Variants in TTN observed in about 807,000 individuals in gnomAD.
TTN encodes connectin.
In TTN, 1,525 loss-of-function variants were observed where a neutral mutation model predicts 3,223.0. The observed-to-expected ratio is 0.47, with a 90% CI of 0.45 to 0.49. TTN has a LOEUF of 0.49. Ranked by LOEUF, TTN falls within the 20% of genes least tolerant of loss-of-function variation. The pLI, the probability that TTN is intolerant of heterozygous loss-of-function variation, is 0.00. For missense variants in TTN, 40,786 were observed against 43,424.0 expected, an observed-to-expected ratio of 0.94 and a Z score of 5.40; for synonymous variants, 14,094 against 15,161.0, an observed-to-expected ratio of 0.93 and a Z score of 5.17.
intron 97 of TTN, 37 bp from the exon 98 acceptor site, chr2:178,710,959 A>G: frequency 6.3e-7 from 1 of 1,586,988 alleles, no homozygotes; most frequent in Non-Finnish European, 8.6e-7. Flanking sequence ...TTCAGGCTCA[A>G]TATCTGGACC....
chr2:178,577,213 G>C lies in TTN; in HGVS notation c.69122C>G (p.Pro23041Arg), dbSNP rs1174533300. The change falls in exon 324 of 363, where the codon CCT (proline) becomes CGT (arginine). Residue 23041 changes from proline to arginine, a missense_variant. Transcript: ENST00000589042. ...GATTTCAACAGGACCTGGGGGACCAGGTACATCAAGGACTGTTACCTTCAC... is the reference window on the plus strand; with the variant it reads ...GATTTCAACAGGACCTGGGGGACCACGTACATCAAGGACTGTTACCTTCAC... Reference protein sequence around the residue: ...EHVKVTVLDVPGPPGPVEISN... With the variant: ...EHVKVTVLDVRGPPGPVEISN... The C allele has an allele frequency of 6.2e-7, 1 of 1,612,904 alleles. No homozygotes were observed. Among genetic ancestry groups the C allele is most frequent in the Non-Finnish European group, 8.5e-7 (1 of 1,179,476 alleles).
chr2:178,557,147 G>C lies in TTN; in HGVS notation c.88010-3C>G. ...GATACGAACATTTCTTGGGGGTTCT[G>C]TGGTAATAAGAGAAGCAGATTAGCG... On this transcript the variant is annotated splice_polypyrimidine_tract_variant and splice_region_variant and intron_variant, in intron 329 of 362. Coordinates refer to ENST00000589042, the MANE Select transcript of TTN (RefSeq NM_001267550.2). 6.2e-7 allele frequency: 1 copy of C among 1,613,200 alleles called. No individual in the cohort carries two copies.
rs201774108 is a variant in TTN, at chr2:178,601,342, C to G, written c.55655G>C (p.Arg18552Pro). 2 of 1,610,688 alleles carry G rather than the reference C, an allele frequency of 1.2e-6. No individual in the cohort carries two copies. The highest frequency in any genetic ancestry group is 2.2e-5 in the East Asian group (1 of 44,608). ...ACCAAAACGGTTTTCTGCTCGCACACGGAAGAAATATTGCTGTTCAGAGAG... is the reference window on the plus strand; with the variant it reads ...ACCAAAACGGTTTTCTGCTCGCACAGGGAAGAAATATTGCTGTTCAGAGAG... ...DLLSEQQYFF[R>P]VRAENRFGIG... The change falls in exon 287 of 363, where the codon CGT (arginine) becomes CCT (proline). Residue 18552 changes from arginine (R) to proline (P), a missense_variant. Transcript: ENST00000589042.
At position 178,563,513 on chromosome 2, in the gene TTN, T is replaced by C. The variant is rs913135593; in HGVS notation, c.82619A>G (p.Tyr27540Cys). The C allele has an allele frequency of 1.9e-6, 3 of 1,613,666 alleles. No homozygotes were observed. In the African/African-American group the frequency reaches 4.0e-5, roughly 22 times the overall value. The change falls in exon 326 of 363, where the codon TAT becomes TGT. Residue 27540 changes from tyrosine to cysteine, a missense_variant. Physicochemically the swap from Tyr to Cys is radical, Grantham distance 194. Coordinates refer to ENST00000589042, the MANE Select transcript of TTN (RefSeq NM_001267550.2). The surrounding 1 kb of genome is among the most constrained non-coding windows in gnomAD (Gnocchi z 4.5). ...ATTTTCAGCAGCAACTCTGAATTCATAGGAATGGCCTTCGGTAAGACCAGT... is the reference window on the plus strand; with the variant it reads ...ATTTTCAGCAGCAACTCTGAATTCACAGGAATGGCCTTCGGTAAGACCAGT... ...RVTGLTEGHSYEFRVAAENAA... is the reference protein window; with the variant it reads ...RVTGLTEGHSCEFRVAAENAA...
intron 47 of TTN, chr2:178,747,924 G>T: frequency 5.0e-6 from 8 of 1,613,134 alleles, no homozygotes; most frequent in Non-Finnish European, 6.8e-6. Flanking sequence ...CTCAGGGAGA[G>T]CTGTCTATGG....
Position 178,578,915 on chromosome 2 carries a change from T to C in TTN, c.68115A>G (p.Val22705=). Residue 22705 remains valine, a synonymous_variant, in exon 320 of 363, where the codon GTA becomes GTG. Coordinates refer to ENST00000589042, the MANE Select transcript of TTN (RefSeq NM_001267550.2). The part of the protein sequence containing the change: ...ASAVQKTTFR[V]TRLHEGMEYT... ...ATTCCATGCCCTCATGAAGTCTGGT[T>C]ACTCTAAAGGTGGTTTTCTGGACAG... The C allele has an allele frequency of 1.2e-6, 2 of 1,613,338 alleles. No homozygotes were observed.
Position 178,695,960 on chromosome 2 carries a change from T to C in TTN, c.31112A>G (p.Tyr10371Cys). Reference sequence around the variant, plus strand: ...TTCGTCATAGCCTTCTTCCCTTTCATAGTATTCTTGCCCTTCTTCAAAATC... The same window carrying C: ...TTCGTCATAGCCTTCTTCCCTTTCACAGTATTCTTGCCCTTCTTCAAAATC... The part of the protein sequence containing the change: ...EEDFEEGQEY[Y>C]EREEGYDEGE... The change falls in exon 114 of 363, where the codon TAT (tyrosine) becomes TGT (cysteine). Residue 10371 changes from tyrosine to cysteine, a missense_variant. Coordinates refer to ENST00000589042, the MANE Select transcript of TTN (RefSeq NM_001267550.2). 1 of 1,537,022 alleles carries C rather than the reference T, an allele frequency of 6.5e-7. No homozygotes were observed. Among genetic ancestry groups the C allele is most frequent in the Non-Finnish European group, 8.8e-7 (1 of 1,141,168 alleles).
In TTN at chr2:178,775,183, G is replaced by A. The variant is rs1325467347; in HGVS notation, c.6528C>T (p.Phe2176=). 6.2e-7 allele frequency: 1 copy of A among 1,613,802 alleles called. No homozygotes were observed. The highest frequency in any genetic ancestry group is 8.5e-7 in the Non-Finnish European group (1 of 1,179,972). The part of the protein sequence containing the change: ...LLVQAKQLIT[F]TQELQDVVAK... ...CAACAACATCTTGTAATTCCTGTGT[G>A]AAAGTGATCAATTGCTTGGCTACAA... Residue 2176 remains phenylalanine, a synonymous_variant, in exon 29 of 363, where the codon TTC becomes TTT. Coordinates refer to ENST00000589042, the MANE Select transcript of TTN (RefSeq NM_001267550.2).
At chr2:178,702,701 T>C in intron 106 of TTN, 38 bp from the exon 107 acceptor site, 1 of 1,548,650 alleles carries the variant, frequency 6.5e-7, no homozygotes, top group South Asian at 1.2e-5. Context: ...TTAGATTATA[T>C]AGAGAGGAAT....
At chr2:178,778,244 C>G (rs1008460259) in intron 24 of TTN, 13 of 454,180 alleles carry the variant, frequency 2.9e-5, no homozygotes, top group African/African-American at 1.6e-4. Flanking sequence ...CCTCAATACT[C>G]TCTTTTCCTT....
rs2154219935 is a variant in TTN, at chr2:178,630,373, C to A, written c.44155-6G>T. 2 of 1,590,844 alleles carry A rather than the reference C, an allele frequency of 1.3e-6. No individual in the cohort carries two copies. Among genetic ancestry groups the A allele is most frequent in the Non-Finnish European group, 8.5e-7 (1 of 1,174,056 alleles). On this transcript the variant is annotated splice_region_variant and splice_polypyrimidine_tract_variant and intron_variant, in intron 238 of 362. Coordinates refer to ENST00000589042, the MANE Select transcript of TTN (RefSeq NM_001267550.2). ...TCTTCCTTAATTTCACAATCCTGTA[C>A]CAACAAAACAGAAAAACTTTCATAG...
In TTN at chr2:178,696,267, G is replaced by A; in HGVS notation, c.30805C>T (p.Pro10269Ser). The A allele has an allele frequency of 6.6e-7, 1 of 1,526,204 alleles. No individual in the cohort carries two copies. Among genetic ancestry groups the A allele is most frequent in the African/African-American group, 1.4e-5 (1 of 71,668 alleles). The allele number at this position is 1,526,204 out of a possible 1,614,324, so 94.5% of individuals were successfully genotyped here. The change falls in exon 114 of 363, where the codon CCT (proline) becomes TCT (serine). Residue 10269 changes from proline to serine, a missense_variant and splice_region_variant. Transcript: ENST00000589042. ...PPTTLIPAKA[P>S]EIIDVSSKAE... ...TTAGAGGATACATCAATGATTTCAG[G>A]AGCTAAAATAGATAAAGATACTATT...
chr2:178,587,642 C>T lies in TTN; in HGVS notation c.63667G>A (p.Asp21223Asn). 1.9e-6 allele frequency: 3 copies of T among 1,612,732 alleles called. No individual in the cohort carries two copies. The highest frequency in any genetic ancestry group is 2.5e-6 in the Non-Finnish European group (3 of 1,179,412). ...IDNVVRKGQV[D>N]LVDTMAFLVI... ...AGGAAGGCCATAGTGTCAACCAGATCAACTTGTCCTTTTCTGACCACATTA... is the reference window on the plus strand; with the variant it reads ...AGGAAGGCCATAGTGTCAACCAGATTAACTTGTCCTTTTCTGACCACATTA... Residue 21223 changes from aspartate (D) to asparagine (N), a missense_variant, in exon 306 of 363, where the codon GAT (aspartate) becomes AAT (asparagine). By Grantham distance (23) the Asp-to-Asn change is conservative. Coordinates refer to ENST00000589042, the MANE Select transcript of TTN (RefSeq NM_001267550.2).
In TTN at chr2:178,532,562, C is replaced by T. The variant is rs1689635390; in HGVS notation, c.104053G>A (p.Glu34685Lys). The T allele has an allele frequency of 1.2e-6, 2 of 1,613,964 alleles. No individual in the cohort carries two copies. The highest frequency in any genetic ancestry group is 4.5e-5 in the East Asian group (2 of 44,876). The change falls in exon 358 of 363, where the codon GAA becomes AAA. Residue 34685 changes from glutamate (E) to lysine (K), a missense_variant. By Grantham distance (56) the Glu-to-Lys change is moderately conservative. Coordinates refer to ENST00000589042, the MANE Select transcript of TTN (RefSeq NM_001267550.2). ...RTEEERLRLE[E>K]ELELGFSASP... ...GCTGAAAAACCTAACTCAAGCTCTTCTTCAAGACGCAGCCTCTCTTCCTCT... is the reference window on the plus strand; with the variant it reads ...GCTGAAAAACCTAACTCAAGCTCTTTTTCAAGACGCAGCCTCTCTTCCTCT...
chr2:178,793,366 A>C, intron 9 of TTN, 38 bp downstream of exon 9: 1 of 1,611,436 alleles, frequency 6.2e-7, no homozygotes, highest in Non-Finnish European at 8.5e-7. Context: ...GACCCCTGTA[A>C]GAACCTCAGT....
Position 178,561,742 on chromosome 2 carries a change from A to G in TTN, c.84390T>C (p.Cys28130=), listed in dbSNP as rs745619613. The G allele has an allele frequency of 1.2e-6, 2 of 1,613,168 alleles. No homozygotes were observed. Among genetic ancestry groups the G allele is most frequent in the Non-Finnish European group, 1.7e-6 (2 of 1,179,432 alleles). ...TTGSEYQFRV[C]AENRYGKSSY... ...AGCTCTTTCCATAGCGGTTTTCTGC[A>G]CAAACACGGAACTGATACTCACTTC... is the stretch of plus-strand genomic sequence containing the variant. Residue 28130 remains cysteine (C), a synonymous_variant, in exon 326 of 363, where the codon TGT becomes TGC. Transcript: ENST00000589042.
At chr2:178,766,100 TG>T (rs1040254405) in intron 41 of TTN, among the ~76,000 whole-genome samples, 31 of 152,280 alleles carry the variant, frequency 2.0e-4, no homozygotes, top group African/African-American at 7.0e-4. Flanking sequence ...GAAGCTCATC[TG>T]GGGTATATGA....
chr2:178,533,389 A>G lies in TTN; in HGVS notation c.103226T>C (p.Ile34409Thr), dbSNP rs879013405. 3 of 1,613,652 alleles carry G rather than the reference A, an allele frequency of 1.9e-6. No homozygotes were observed. Among genetic ancestry groups the G allele is most frequent in the Admixed American group, 1.7e-5 (1 of 60,020 alleles). ...DGQPLSLGPN[I>T]EIIHEGLDYY... ...ATCCAAGCCTTCATGGATAATTTCA[A>G]TGTTAGGCCCGAGGGACAGTGGCTG... Residue 34409 changes from isoleucine (I) to threonine (T), a missense_variant, in exon 358 of 363, where the codon ATT becomes ACT. Physicochemically the swap from Ile to Thr is moderately conservative, Grantham distance 89 (BLOSUM62 -1). Transcript: ENST00000589042.
rs761869776 is a variant in TTN, at chr2:178,669,598, C to T, written c.35464G>A (p.Ala11822Thr). Residue 11822 changes from alanine (A) to threonine (T), a missense_variant, in exon 158 of 363, where the codon GCT (alanine) becomes ACT (threonine). Physicochemically the swap from Ala to Thr is moderately conservative, Grantham distance 58. Coordinates refer to ENST00000589042, the MANE Select transcript of TTN (RefSeq NM_001267550.2). The stretch of plus-strand genomic sequence containing the variant: ...GATTAGCATCACTGTATACCTTTAG[C>T]TGGTGGAACTTCAGGCTTTTTCAGA... ...AVLKKPEVPP[A>T]KVPGMPKKSV... 1.9e-6 allele frequency: 3 copies of T among 1,612,396 alleles called. No homozygotes were observed. The highest frequency in any genetic ancestry group is 2.5e-6 in the Non-Finnish European group (3 of 1,179,610).
Sources: allele counts gnomAD v4.1 joint callset (sites outside exome capture counted in the v4.1 genomes callset), GRCh38; gene constraint gnomAD v4.1.1; non-coding constraint Gnocchi (gnomAD v3.1); transcripts MANE v1.5; gene names NCBI Gene and HGNC (gene_info 2026-07-23, HGNC 2026-07-21).